Variants in TANC1 observed in about 807,000 individuals in gnomAD.
The protein encoded by TANC1 is tetratricopeptide repeat, ankyrin repeat and coiled-coil containing 1, also known as protein TANC1.
TANC1 carries 77 observed loss-of-function variants against 149.7 expected under a neutral mutation model. The ratio of observed to expected loss-of-function variants is 0.51; its 90% CI spans 0.43 to 0.62. The LOEUF (loss-of-function observed/expected upper bound fraction) is 0.62. Among genes scored for constraint, TANC1 ranks in the 20% least tolerant of loss-of-function variants. The pLI is 0.00. For missense variants in TANC1, 1,985 were observed against 2,321.8 expected (o/e 0.85, Z 2.98); for synonymous variants, 854 against 925.0 (o/e 0.92, Z 1.39).
chr2:159,124,201 T>A (rs966714395), intron 4 of TANC1, among the ~76,000 whole-genome samples: 9 of 151,942 alleles, frequency 5.9e-5, no homozygotes, highest in African/African-American at 2.2e-4. Flanking sequence ...CTACTAAAAA[T>A]ACAAAAATTA....
At chr2:159,076,615 G>A (rs1002137716) in intron 3 of TANC1, among the ~76,000 whole-genome samples, 2 of 152,150 alleles carry the variant, frequency 1.3e-5, no homozygotes, top group Non-Finnish European at 2.9e-5. Context: ...TCTATCCATG[G>A]CTGCATGCTC....
chr2:159,226,662 A>G (rs1218406931), intron 24 of TANC1: 3 of 152,236 alleles, frequency 2.0e-5, no homozygotes, highest in Admixed American at 2.0e-4. Context: ...TTTACAGATC[A>G]ATAAACTTCA....
chr2:159,017,784 T>A (rs1018377297), intron 2 of TANC1, among the ~76,000 whole-genome samples: 1 of 151,872 alleles, frequency 6.6e-6, no homozygotes, highest in African/African-American at 2.4e-5. Context: ...AGATGACGGG[T>A]TAATAGGTGC....
intron 2 of TANC1, among the ~76,000 whole-genome samples, chr2:159,036,363 AATTATT>A (rs1301502074): frequency 3.3e-5 from 5 of 152,116 alleles, no homozygotes; most frequent in Admixed American, 1.3e-4. Context: ...TTTTGTAAAA[AATTATT>A]ATTATTATAC....
At chr2:158,981,812 T>C (rs58443550) in intron 1 of TANC1, among the ~76,000 whole-genome samples, 8,011 of 151,906 alleles carry the variant, frequency 0.053, 672 homozygotes, top group African/African-American at 0.18. Flanking sequence ...CACTTATTTT[T>C]AAAACACATT....
chr2:159,094,181 T>G (rs1215363784), intron 3 of TANC1, among the ~76,000 whole-genome samples: 1 of 152,224 alleles, frequency 6.6e-6, no homozygotes, highest in Admixed American at 6.5e-5. Flanking sequence ...TTGTGGCCTG[T>G]CAGGCCATCC....
At chr2:159,224,500 C>T in intron 23 of TANC1, 136 bp downstream of exon 23, 2 of 972,056 alleles carry the variant, frequency 2.1e-6, no homozygotes, top group East Asian at 2.6e-5. Flanking sequence ...GTCTCAGTCT[C>T]ACTTAATCAC....
chr2:159,030,079 T>C (rs1383116142), intron 2 of TANC1, among the ~76,000 whole-genome samples: 1 of 152,136 alleles, frequency 6.6e-6, no homozygotes, highest in East Asian at 1.9e-4. Context: ...TATTCACTGG[T>C]CACTCACAGC....
intron 2 of TANC1, among the ~76,000 whole-genome samples, chr2:159,047,197 C>A (rs140276601): frequency 2.6e-5 from 4 of 151,072 alleles, no homozygotes; most frequent in African/African-American, 9.7e-5. Context: ...TTCCCCCCCC[C>A]AGTTATTGCC....
chr2:159,011,709 C>T (rs1471246805), intron 2 of TANC1, among the ~76,000 whole-genome samples: 1 of 151,850 alleles, frequency 6.6e-6, no homozygotes, highest in Non-Finnish European at 1.5e-5. Context: ...TCAAATTGCA[C>T]CTTTTTAAGA....
intron 3 of TANC1, among the ~76,000 whole-genome samples, chr2:159,086,996 G>A (rs1277582567): frequency 2.0e-5 from 3 of 151,862 alleles, no homozygotes; most frequent in African/African-American, 4.8e-5. Flanking sequence ...GTGGGTGGGG[G>A]TAAAGAGAGC....
chr2:159,171,828 G>T (rs953188174), intron 10 of TANC1, among the ~76,000 whole-genome samples: 1 of 143,904 alleles, frequency 6.9e-6, no homozygotes, highest in African/African-American at 2.6e-5. Flanking sequence ...CTGTACTCTA[G>T]CCTGGGCCAC....
At chr2:159,159,927 A>G (rs1337527874) in intron 7 of TANC1, among the ~76,000 whole-genome samples, 1 of 152,088 alleles carries the variant, frequency 6.6e-6, no homozygotes, top group Non-Finnish European at 1.5e-5. Flanking sequence ...AGGCTGATGC[A>G]GGAGGACTGA....
chr2:159,167,983 G>C lies in TANC1; in HGVS notation c.947-1267G>C, dbSNP rs76999621. Among the ~76,000 whole-genome samples the C allele has an allele frequency of 1.1e-4, 16 of 152,238 alleles. No individual in the cohort carries two copies. The East Asian group carries it at 3.1e-3, about 29-fold the overall frequency. ...CCTGCACCTTGGTCCCACTGAAGAT[G>C]TCCCCAGTGCTAAGAAGGCTTTACC... On this transcript the variant is annotated intron_variant, in intron 8 of 26. Coordinates refer to ENST00000263635, the MANE Select transcript of TANC1 (RefSeq NM_033394.3).
At chr2:159,184,309 A>G (rs1344795688) in intron 14 of TANC1, among the ~76,000 whole-genome samples, 2 of 152,216 alleles carry the variant, frequency 1.3e-5, no homozygotes, top group Non-Finnish European at 2.9e-5. Flanking sequence ...CTTGGTCTCA[A>G]GAACAGGAGG....
chr2:158,995,375 C>G lies in TANC1; in HGVS notation c.-125-5705C>G, dbSNP rs1244508683. 3.3e-5 allele frequency among the ~76,000 whole-genome samples: 5 copies of G among 152,120 alleles called. No individual in the cohort carries two copies. In the East Asian group the frequency reaches 9.6e-4, roughly 29 times the overall value. On this transcript the variant is annotated intron_variant, in intron 1 of 26. Transcript: ENST00000263635. ...TCTCTGGTAAAAGGCACTTTTTATA[C>G]CAGTGGAGTGTAAATTCCAATGTGA...
At chr2:159,149,922 C>G (rs941975676) in intron 6 of TANC1, 2 of 166,448 alleles carry the variant, frequency 1.2e-5, no homozygotes, top group East Asian at 1.8e-4. Flanking sequence ...ATTGCAGAGC[C>G]CATAAATCTT....
At chr2:159,210,957 C>T (rs553375012) in intron 19 of TANC1, among the ~76,000 whole-genome samples, 4 of 152,078 alleles carry the variant, frequency 2.6e-5, no homozygotes, top group East Asian at 1.9e-4. Context: ...CTGCAACCTC[C>T]GCCTCCCAGG....
chr2:159,221,223 A>G (rs958487740), intron 22 of TANC1, among the ~76,000 whole-genome samples: 41 of 152,166 alleles, frequency 2.7e-4, no homozygotes, highest in Admixed American at 1.2e-3. Context: ...TCTACTAAAA[A>G]TACAAAAATT....
Sources: allele counts gnomAD v4.1 joint callset (sites outside exome capture counted in the v4.1 genomes callset), GRCh38; gene constraint gnomAD v4.1.1; transcripts MANE v1.5; gene names NCBI Gene and HGNC (gene_info 2026-07-23, HGNC 2026-07-21).